The following EFCAB11 variants were observed in gnomAD, a reference collection of about 807,000 sequenced individuals.
EFCAB11 encodes EF-hand calcium binding domain 11.
Under a neutral mutation model 23.0 loss-of-function variants are expected in EFCAB11, and 14 were observed. The ratio of observed to expected loss-of-function variants is 0.61; its 90% CI spans 0.40 to 0.95. The LOEUF is 0.95. Ranked by LOEUF, EFCAB11 falls within the 40% of genes least tolerant of loss-of-function variation. The probability of loss-of-function intolerance (pLI) is 0.00; values close to 1 mark genes in which losing one functional copy is unlikely to be tolerated. For synonymous variants in EFCAB11, 65 were observed against 66.6 expected, an observed-to-expected ratio of 0.98 and a Z score of 0.11; for missense variants, 198 against 195.8, an observed-to-expected ratio of 1.01 and a Z score of -0.07.
intron 5 of EFCAB11, among the ~76,000 whole-genome samples, chr14:89,887,842 C>T (rs907768083): frequency 5.9e-5 from 9 of 152,216 alleles, no homozygotes; most frequent in African/African-American, 9.6e-5. Flanking sequence ...TATTTCAGCA[C>T]GTGTTAACAC....
chr14:89,880,571 T>G, intron 5 of EFCAB11, among the ~76,000 whole-genome samples: 1 of 152,206 alleles, frequency 6.6e-6, no homozygotes, highest in South Asian at 2.1e-4. Context: ...GTTTTTCTTT[T>G]CTTTTGAAGG....
intron 5 of EFCAB11, among the ~76,000 whole-genome samples, chr14:89,838,885 T>C (rs1345141911): frequency 1.3e-5 from 2 of 152,228 alleles, no homozygotes; most frequent in African/African-American, 4.8e-5. Context: ...ATCCAGGGTA[T>C]AGCTAAGGAA....
chr14:89,843,895 T>A (rs1365731413), intron 5 of EFCAB11, among the ~76,000 whole-genome samples: 1 of 152,224 alleles, frequency 6.6e-6, no homozygotes, highest in Non-Finnish European at 1.5e-5. Context: ...AAGCTCACAG[T>A]GGTGAATACA....
intron 5 of EFCAB11, among the ~76,000 whole-genome samples, chr14:89,802,208 A>C (rs1387892229): frequency 4.1e-4 from 1 of 2,466 alleles, no homozygotes; most frequent in Non-Finnish European, 1.2e-3. Context: ...CAAGTTACTT[A>C]AAAAAAAAAA....
At chr14:89,950,236 T>C (rs1891121605) in intron 2 of EFCAB11, 94 bp from the exon 3 acceptor site, 1 of 1,326,126 alleles carries the variant, frequency 7.5e-7, no homozygotes, top group East Asian at 2.8e-5. Context: ...GGATCTATTT[T>C]ATGAGAAACC....
intron 5 of EFCAB11, among the ~76,000 whole-genome samples, chr14:89,864,297 C>A (rs1301009254): frequency 6.6e-6 from 1 of 152,244 alleles, no homozygotes; most frequent in African/African-American, 2.4e-5. Flanking sequence ...AAGGCTAGTA[C>A]AGGAAGCACA....
intron 5 of EFCAB11, among the ~76,000 whole-genome samples, chr14:89,873,901 G>A (rs1488326000): frequency 6.6e-6 from 1 of 152,190 alleles, no homozygotes; most frequent in Non-Finnish European, 1.5e-5. Context: ...CACGATCCAA[G>A]CTGTCAGTTG....
chr14:89,866,761 G>T (rs765508645), intron 5 of EFCAB11, among the ~76,000 whole-genome samples: 3 of 152,196 alleles, frequency 2.0e-5, no homozygotes, highest in Non-Finnish European at 4.4e-5. Flanking sequence ...AGCAGGTAGA[G>T]AAATGTGTAA....
intron 3 of EFCAB11, among the ~76,000 whole-genome samples, chr14:89,938,384 A>G (rs1282428518): frequency 6.6e-6 from 1 of 152,196 alleles, no homozygotes; most frequent in Non-Finnish European, 1.5e-5. Flanking sequence ...AATTCAAATT[A>G]TGACTTTTGG....
At chr14:89,879,213 C>T (rs1006288822) in intron 5 of EFCAB11, among the ~76,000 whole-genome samples, 4 of 151,898 alleles carry the variant, frequency 2.6e-5, no homozygotes, top group African/African-American at 9.7e-5. Context: ...GTACTCGATC[C>T]TACTTCCTTC....
chr14:89,899,976 G>A (rs554060509), intron 5 of EFCAB11, among the ~76,000 whole-genome samples: 11 of 152,288 alleles, frequency 7.2e-5, no homozygotes, highest in South Asian at 2.1e-4. Flanking sequence ...AATGTGGGCT[G>A]TATTTTAGCA....
chr14:89,930,040 A>C (rs987900969), intron 5 of EFCAB11, among the ~76,000 whole-genome samples: 6 of 152,182 alleles, frequency 3.9e-5, no homozygotes, highest in Non-Finnish European at 8.8e-5. Flanking sequence ...AAGTATATTG[A>C]TATTCACTAC....
chr14:89,897,939 A>G (rs1303942877), intron 5 of EFCAB11, among the ~76,000 whole-genome samples: 11 of 152,230 alleles, frequency 7.2e-5, no homozygotes, highest in African/African-American at 2.2e-4. Flanking sequence ...TTAAGCAAGT[A>G]TGATGAACAG....
chr14:89,817,451 T>C (rs1026955971), intron 5 of EFCAB11, among the ~76,000 whole-genome samples: 1 of 152,008 alleles, frequency 6.6e-6, no homozygotes, highest in African/African-American at 2.4e-5. Flanking sequence ...AGCCCAGGAG[T>C]TCTGGATAAC....
At chr14:89,935,986 T>A (rs1388254180) in intron 3 of EFCAB11, among the ~76,000 whole-genome samples, 1 of 151,824 alleles carries the variant, frequency 6.6e-6, no homozygotes, top group East Asian at 1.9e-4. Context: ...CCAGCCTGGG[T>A]GACAGAGTAA....
intron 3 of EFCAB11, among the ~76,000 whole-genome samples, chr14:89,935,397 GTTT>G (rs60594341): frequency 5.9e-5 from 8 of 135,780 alleles, no homozygotes; most frequent in East Asian, 2.1e-4. Context: ...ATGCATGTGG[GTTT>G]TTTTTTTTTT....
chr14:89,844,524 G>T (rs1419587790), intron 5 of EFCAB11, among the ~76,000 whole-genome samples: 1 of 152,190 alleles, frequency 6.6e-6, no homozygotes, highest in Non-Finnish European at 1.5e-5. Flanking sequence ...CTGGGTGGAT[G>T]AATGAATATA....
At chr14:89,833,661 A>G (rs1422166431) in intron 5 of EFCAB11, among the ~76,000 whole-genome samples, 1 of 152,220 alleles carries the variant, frequency 6.6e-6, no homozygotes, top group South Asian at 2.1e-4. Flanking sequence ...ACTACAAGAT[A>G]TGAAAGGGAA....
intron 3 of EFCAB11, among the ~76,000 whole-genome samples, chr14:89,936,667 A>G (rs2139819326): frequency 6.6e-6 from 1 of 152,298 alleles, no homozygotes; most frequent in Non-Finnish European, 1.5e-5. Flanking sequence ...CAAATACAAG[A>G]CCCTTTTCTA....
Sources: allele counts gnomAD v4.1 joint callset (sites outside exome capture counted in the v4.1 genomes callset), GRCh38; gene constraint gnomAD v4.1.1; transcripts MANE v1.5; gene names NCBI Gene and HGNC (gene_info 2026-07-23, HGNC 2026-07-21).